The following PCLO variants were observed in gnomAD, a reference collection of about 807,000 sequenced individuals.
The protein encoded by PCLO is protein piccolo.
Under a neutral mutation model 427.5 loss-of-function variants are expected in PCLO, and 82 were observed. The ratio of observed to expected loss-of-function variants is 0.19; its 90% CI spans 0.16 to 0.23. The LOEUF is 0.23. Among genes scored for constraint, PCLO ranks in the 10% least tolerant of loss-of-function variants. The pLI is 1.00. For missense variants in PCLO, 6,239 were observed against 6,115.9 expected (o/e 1.02, Z -0.67); for synonymous variants, 2,357 against 2,155.4 (o/e 1.09, Z -2.59).
intron 3 of PCLO, among the ~76,000 whole-genome samples, chr7:83,018,400 T>C (rs1788262342): frequency 6.6e-6 from 1 of 152,018 alleles, no homozygotes; most frequent in Non-Finnish European, 1.5e-5. Context: ...CATTTCCTGC[T>C]TTTGTTTTGT....
In PCLO at chr7:82,754,378, G is replaced by C. The variant is rs1038658219; in HGVS notation, c.*4197C>G. Reference sequence around the variant, plus strand: ...TTTATTTCAAAATCAGTTTTATTAAGATGTTTATGTTTTCAGACAAGAAAA... The same window carrying C: ...TTTATTTCAAAATCAGTTTTATTAACATGTTTATGTTTTCAGACAAGAAAA... On this transcript the variant is annotated 3_prime_UTR_variant, in exon 25 of 25. Transcript: ENST00000333891. 5 of 152,124 alleles carry C rather than the reference G, an allele frequency of 3.3e-5. No homozygotes were observed. The highest frequency in any genetic ancestry group is 1.9e-4 in the East Asian group (1 of 5,178). The allele number at this position is 152,124 out of a possible 1,614,324, so 9.4% of individuals were successfully genotyped here. A position where few individuals can be genotyped will look rare whatever the true frequency, so the allele number is the denominator to read the frequency against.
intron 3 of PCLO, among the ~76,000 whole-genome samples, chr7:83,059,867 T>C (rs764398733): frequency 6.6e-6 from 1 of 152,112 alleles, no homozygotes; most frequent in Non-Finnish European, 1.5e-5. Context: ...TTAAGGAACA[T>C]TTAAGTCCTT....
chr7:82,798,933 G>T (rs1234639212), intron 22 of PCLO, among the ~76,000 whole-genome samples: 2 of 152,044 alleles, frequency 1.3e-5, no homozygotes, highest in Non-Finnish European at 2.9e-5. Flanking sequence ...GTTGATCAGG[G>T]TCAGTTCGCT....
intron 3 of PCLO, among the ~76,000 whole-genome samples, chr7:83,096,469 T>C (rs1263149423): frequency 2.0e-5 from 3 of 152,084 alleles, no homozygotes; most frequent in Non-Finnish European, 4.4e-5. Flanking sequence ...GGAATAATGA[T>C]ACTAAATACC....
At chr7:83,071,340 A>G (rs2116355512) in intron 3 of PCLO, among the ~76,000 whole-genome samples, 1 of 152,320 alleles carries the variant, frequency 6.6e-6, no homozygotes, top group African/African-American at 2.4e-5. Context: ...CAATAGTTAT[A>G]TCTTCTTATA....
chr7:82,905,684 G>A (rs1178097116), intron 8 of PCLO, among the ~76,000 whole-genome samples: 1 of 151,980 alleles, frequency 6.6e-6, no homozygotes, highest in Non-Finnish European at 1.5e-5. Context: ...CAAGGGATGA[G>A]TGGAGGAAAA....
intron 3 of PCLO, among the ~76,000 whole-genome samples, chr7:83,074,947 A>C (rs1014749872): frequency 6.6e-6 from 1 of 152,186 alleles, no homozygotes; most frequent in Non-Finnish European, 1.5e-5. Context: ...ATCACAAAAT[A>C]TCACCTAAAG....
chr7:82,882,810 C>A (rs6948006), intron 9 of PCLO, among the ~76,000 whole-genome samples: 14,379 of 152,000 alleles, frequency 0.095, 2,289 homozygotes, highest in African/African-American at 0.32. Flanking sequence ...CTATGCACAA[C>A]ACAAACATGA....
At chr7:83,068,223 G>C (rs567686417) in intron 3 of PCLO, among the ~76,000 whole-genome samples, 1 of 152,088 alleles carries the variant, frequency 6.6e-6, no homozygotes, top group Non-Finnish European at 1.5e-5. Flanking sequence ...ACAAAAGAAA[G>C]ATAAGAATGA....
At position 82,805,717 on chromosome 7, in the gene PCLO, C is replaced by T. The variant is rs12668093; in HGVS notation, c.14904G>A (p.Gly4968=). The change falls in exon 21 of 25, where the codon GGG becomes GGA. Residue 4968 remains glycine, a synonymous_variant. Transcript: ENST00000333891. ...VDSEGSSSTA[G]ETNLFPIPRI... is the part of the protein sequence containing the mutation. ...TCGGAATAGGAAATAGATTAGTCTC[C>T]CCTGCAGTGCTGCTGCTTCCTTCAC... 251,618 of 1,611,842 alleles carry T rather than the reference C, an allele frequency of 0.16. 21,647 individuals carry two copies. The highest frequency in any genetic ancestry group is 0.32 in the East Asian group (14,499 of 44,780).
chr7:82,808,584 T>C (rs570100441), intron 20 of PCLO, among the ~76,000 whole-genome samples: 2 of 152,008 alleles, frequency 1.3e-5, no homozygotes, highest in South Asian at 2.1e-4. Context: ...GTCAATATTT[T>C]AAATGCAAAC....
intron 22 of PCLO, among the ~76,000 whole-genome samples, chr7:82,769,576 G>A (rs1212999273): frequency 6.6e-6 from 1 of 152,094 alleles, no homozygotes; most frequent in Non-Finnish European, 1.5e-5. Flanking sequence ...TTAGGCAAAA[G>A]TCTCTTTAGA....
At chr7:82,885,196 T>C (rs1793600865) in intron 9 of PCLO, among the ~76,000 whole-genome samples, 1 of 152,120 alleles carries the variant, frequency 6.6e-6, no homozygotes, top group African/African-American at 2.4e-5. Context: ...GAGTGAGAGA[T>C]TTACTCCTGG....
At chr7:83,049,808 A>T (rs991592000) in intron 3 of PCLO, among the ~76,000 whole-genome samples, 1 of 152,130 alleles carries the variant, frequency 6.6e-6, no homozygotes, top group African/African-American at 2.4e-5. Context: ...GCTAAAAGAT[A>T]TCACCTTGGT....
Position 82,755,833 on chromosome 7 carries a change from G to A in PCLO, c.*2742C>T, listed in dbSNP as rs886725061. The A allele has an allele frequency of 2.0e-5, 3 of 152,142 alleles. No individual in the cohort carries two copies. The highest frequency in any genetic ancestry group is 7.2e-5 in the African/African-American group (3 of 41,430). The allele number at this position is 152,142 out of a possible 1,614,324, so 9.4% of individuals were successfully genotyped here. A position where few individuals can be genotyped will look rare whatever the true frequency, so the allele number is the denominator to read the frequency against. On this transcript the variant is annotated 3_prime_UTR_variant, in exon 25 of 25. Transcript: ENST00000333891. ...AAGAAACGCATTCATATAAGGATCA[G>A]TGTTGCATAGAATAATTCCAGTACA...
At chr7:82,973,556 C>T (rs1405285958) in intron 3 of PCLO, among the ~76,000 whole-genome samples, 1 of 151,834 alleles carries the variant, frequency 6.6e-6, no homozygotes, top group East Asian at 1.9e-4. Flanking sequence ...GAAACTTGTA[C>T]TAGAGTTATC....
chr7:83,136,412 A>G (rs1791731128), intron 2 of PCLO, among the ~76,000 whole-genome samples: 1 of 152,178 alleles, frequency 6.6e-6, no homozygotes, highest in African/African-American at 2.4e-5. Flanking sequence ...TATTTTCTCT[A>G]TTGATGGCTC....
chr7:83,151,932 T>A (rs1271634722), intron 2 of PCLO, among the ~76,000 whole-genome samples: 1 of 151,926 alleles, frequency 6.6e-6, no homozygotes, highest in Non-Finnish European at 1.5e-5. Context: ...AACAAAGGAC[T>A]CTGTGAACTG....
At chr7:82,917,313 CT>C (rs959937213) in intron 6 of PCLO, among the ~76,000 whole-genome samples, 1 of 151,686 alleles carries the variant, frequency 6.6e-6, no homozygotes, top group Non-Finnish European at 1.5e-5. Flanking sequence ...TATCTAATGT[CT>C]TTTTTTTCTA....
Sources: gnomAD v4.1 joint callset for allele counts (sites outside exome capture counted in the v4.1 genomes callset) on GRCh38, gnomAD v4.1.1 for gene constraint, MANE v1.5 for transcripts, NCBI Gene and HGNC (gene_info 2026-07-23, HGNC 2026-07-21) for gene names.